The following BST1 variants were observed in gnomAD, a reference collection of about 807,000 sequenced individuals.
BST1 encodes the protein ADP-ribosyl cyclase/cyclic ADP-ribose hydrolase 2.
Under a neutral mutation model 40.6 loss-of-function variants are expected in BST1, and 49 were observed. The observed-to-expected ratio is 1.21, with a 90% CI of 0.96 to 1.53. The LOEUF (loss-of-function observed/expected upper bound fraction) is 1.53, where lower values mean the gene tolerates loss of function less well. Among genes scored for constraint, BST1 ranks in the 40% most tolerant of loss-of-function variants. The probability of loss-of-function intolerance (pLI) is 0.00; values close to 1 mark genes in which losing one functional copy is unlikely to be tolerated. For synonymous variants in BST1, 157 were observed against 159.3 expected (o/e 0.99, Z 0.11); for missense variants, 423 against 395.9 (o/e 1.07, Z -0.58).
the BST1 span, among the ~76,000 whole-genome samples, chr4:15,750,438 C>A: frequency 6.6e-6 from 1 of 152,152 alleles, no homozygotes; most frequent in Non-Finnish European, 1.5e-5. Context: ...ATTCCCATCC[C>A]TTCAGGTGGA....
chr4:15,752,457 C>T, the BST1 span, among the ~76,000 whole-genome samples: 1 of 151,460 alleles, frequency 6.6e-6, no homozygotes, highest in Non-Finnish European at 1.5e-5. Context: ...GGCGCAATCT[C>T]GGCTCACTGC....
intron 2 of BST1, 119 bp downstream of exon 2, chr4:15,705,760 G>A: frequency 7.5e-7 from 1 of 1,340,770 alleles, no homozygotes; most frequent in Non-Finnish European, 1.1e-6. Flanking sequence ...GAAACATCAG[G>A]CAGCACACAT....
the BST1 span, among the ~76,000 whole-genome samples, chr4:15,755,379 C>A: frequency 6.6e-6 from 1 of 152,128 alleles, no homozygotes; most frequent in East Asian, 1.9e-4. Flanking sequence ...CCTCTTGATC[C>A]GCCCGCCTTG....
rs1425655290 is a variant in BST1 at position 15,732,103 on chromosome 4, A to G, written c.*258A>G. 1 of 1,206,978 alleles carries G rather than the reference A, an allele frequency of 8.3e-7. No homozygotes were observed. The highest frequency in any genetic ancestry group is 4.1e-5 in the Admixed American group (1 of 24,198). 74.8% of individuals were successfully genotyped at this position (1,206,978 alleles called of 1,614,324 possible). A position where few individuals can be genotyped will look rare whatever the true frequency, so the allele number is the denominator to read the frequency against. ...TCTTATTTGTATAATGACACAAAGC[A>G]TTGGGAGTCAGACTGCTTGTATATT... On this transcript the variant is annotated 3_prime_UTR_variant, in exon 9 of 9. Coordinates refer to ENST00000265016, the MANE Select transcript of BST1 (RefSeq NM_004334.3).
At chr4:15,770,022 T>C in the BST1 span, among the ~76,000 whole-genome samples, 1 of 152,188 alleles carries the variant, frequency 6.6e-6, no homozygotes, top group Non-Finnish European at 1.5e-5. Flanking sequence ...GTATTTTCAG[T>C]AGAGACGTGG....
At chr4:15,729,915 T>C (rs1018745457) in intron 8 of BST1, among the ~76,000 whole-genome samples, 2 of 152,172 alleles carry the variant, frequency 1.3e-5, no homozygotes, top group Non-Finnish European at 2.9e-5. Flanking sequence ...GAATAGAAAC[T>C]GGAAAAAGAT....
At chr4:15,726,819 T>G (rs1721138336) in intron 8 of BST1, among the ~76,000 whole-genome samples, 1 of 151,756 alleles carries the variant, frequency 6.6e-6, no homozygotes, top group South Asian at 2.1e-4. Flanking sequence ...GCTCCCCTGC[T>G]GCAGGAAGAA....
chr4:15,755,056 C>G, the BST1 span, among the ~76,000 whole-genome samples: 1 of 152,166 alleles, frequency 6.6e-6, no homozygotes, highest in Admixed American at 6.5e-5. Flanking sequence ...CATAATATTC[C>G]ATGGGAGAGA....
chr4:15,739,891 G>A (rs995406069), downstream of BST1, among the ~76,000 whole-genome samples: 1 of 151,920 alleles, frequency 6.6e-6, no homozygotes, highest in African/African-American at 2.4e-5. Flanking sequence ...GGAAGTCGGT[G>A]AGAGAGAGAA....
At chr4:15,731,037 G>T in intron 8 of BST1, 1 of 575,504 alleles carries the variant, frequency 1.7e-6, no homozygotes, top group Non-Finnish European at 3.0e-6. Flanking sequence ...TTTTCTGCCA[G>T]TTTTTCTTGA....
chr4:15,767,596 C>T, the BST1 span, among the ~76,000 whole-genome samples: 1 of 140,280 alleles, frequency 7.1e-6, no homozygotes, highest in Non-Finnish European at 1.5e-5. Flanking sequence ...AGCCACCGTG[C>T]CCGGCCCTAC....
At chr4:15,714,028 T>C (rs1157139859) in intron 4 of BST1, among the ~76,000 whole-genome samples, 1 of 152,056 alleles carries the variant, frequency 6.6e-6, no homozygotes, top group Non-Finnish European at 1.5e-5. Context: ...TTTTTAATAT[T>C]TTTTTCTTTT....
At chr4:15,728,826 A>G (rs1721247495) in intron 8 of BST1, among the ~76,000 whole-genome samples, 1 of 151,636 alleles carries the variant, frequency 6.6e-6, no homozygotes, top group South Asian at 2.1e-4. Context: ...TTGTATTTTT[A>G]GTGGAGATGA....
rs759841572 is a variant in BST1 at position 15,711,790 on chromosome 4, G to C, written c.452-17G>C. The stretch of plus-strand genomic sequence containing the variant: ...ATAATCTTTGGAATAAAATGTGTTT[G>C]TCTACTTACCCCTTAGGACTCGATT... On this transcript the variant is annotated splice_polypyrimidine_tract_variant and intron_variant, in intron 3 of 8. Transcript: ENST00000265016. 6.3e-7 allele frequency: 1 copy of C among 1,585,804 alleles called. No individual in the cohort carries two copies. The highest frequency in any genetic ancestry group is 1.3e-5 in the African/African-American group (1 of 74,284).
At position 15,723,632 on chromosome 4, in the gene BST1, A is replaced by AATGCTGAAAT. The variant is rs1490019003; in HGVS notation, c.851+701_851+710dup. ...TAGTAGTTGTTTTGCTATTATAAACAATGCTGAAATATAATCCTTGATTAT... is the reference window on the plus strand; with the variant it reads ...TAGTAGTTGTTTTGCTATTATAAACAATGCTGAAATATGCTGAAATATAATCCTTGATTAT... On this transcript the variant is annotated intron_variant, in intron 8 of 8. Transcript: ENST00000265016. 5.3e-5 allele frequency: 52 copies of AATGCTGAAAT among 981,448 alleles called. No homozygotes were observed. The East Asian group carries it at 5.0e-3, about 94-fold the overall frequency. The allele number at this position is 981,448 out of a possible 1,614,324, so 60.8% of individuals were successfully genotyped here.
rs1206237130 is a variant in BST1, at chr4:15,725,947, C to CTTTTTT, written c.851+3033_851+3038dup. Among the ~76,000 whole-genome samples, 99 of 60,144 alleles carry CTTTTTT rather than the reference C, an allele frequency of 1.6e-3. 5 individuals are homozygous for CTTTTTT. The highest frequency in any genetic ancestry group is 2.0e-3 in the East Asian group (3 of 1,526). 39.5% of individuals were successfully genotyped at this position (60,144 alleles called of 152,430 possible). ...GACTGACCTACTTGTGAAGTGCGGT[C>CTTTTTT]TTTTTTTTTTTTTTTTTTTTTTTTT... On this transcript the variant is annotated intron_variant, in intron 8 of 8. Coordinates refer to ENST00000265016, the MANE Select transcript of BST1 (RefSeq NM_004334.3).
chr4:15,737,961 C>T, exon 7 of BST1: 2 of 426,998 alleles, frequency 4.7e-6, no homozygotes, highest in Non-Finnish European at 4.3e-6. Context: ...CCACAAGCTT[C>T]AGAGGAAACA....
intron 7 of BST1, among the ~76,000 whole-genome samples, chr4:15,719,613 C>T (rs1476253783): frequency 6.6e-6 from 1 of 152,140 alleles, no homozygotes; most frequent in Non-Finnish European, 1.5e-5. Context: ...AGACTGTGGA[C>T]CTGCTGATTC....
the BST1 span, among the ~76,000 whole-genome samples, chr4:15,755,629 A>G: frequency 6.6e-6 from 1 of 152,238 alleles, no homozygotes; most frequent in Non-Finnish European, 1.5e-5. Context: ...ACAACTGCAT[A>G]TTATTTATGG....
Sources: gnomAD v4.1 joint callset for allele counts (sites outside exome capture counted in the v4.1 genomes callset) on GRCh38, gnomAD v4.1.1 for gene constraint, MANE v1.5 for transcripts, NCBI Gene and HGNC (gene_info 2026-07-23, HGNC 2026-07-21) for gene names.